Variants in NKAIN3 observed in about 807,000 individuals in gnomAD.
NKAIN3 encodes the protein sodium/potassium transporting ATPase interacting 3.
NKAIN3 carries 25 observed loss-of-function variants against 30.2 expected under a neutral mutation model. That is an observed-to-expected ratio of 0.83 (90% CI 0.60 to 1.16). NKAIN3 has a LOEUF of 1.16. Among genes scored for constraint, NKAIN3 ranks in the 50% most tolerant of loss-of-function variants. NKAIN3 has a pLI of 0.00. For synonymous variants in NKAIN3, 91 were observed against 89.6 expected (o/e 1.02, Z -0.09); for missense variants, 225 against 254.1 (o/e 0.89, Z 0.78).
intron 3 of NKAIN3, among the ~76,000 whole-genome samples, chr8:62,600,119 G>A (rs1381313612): frequency 6.6e-6 from 1 of 151,474 alleles, no homozygotes; most frequent in Admixed American, 6.6e-5. Flanking sequence ...AAATTTCTAG[G>A]TACATTTTAC....
intron 1 of NKAIN3, among the ~76,000 whole-genome samples, chr8:62,300,117 C>T (rs1189260983): frequency 6.6e-6 from 1 of 151,960 alleles, no homozygotes; most frequent in Non-Finnish European, 1.5e-5. Context: ...ACATTTGTAT[C>T]CTTAGCTGCA....
intron 3 of NKAIN3, among the ~76,000 whole-genome samples, chr8:62,737,809 G>C (rs970691493): frequency 6.6e-6 from 1 of 152,022 alleles, no homozygotes; most frequent in African/African-American, 2.4e-5. Context: ...CCTTCAATTA[G>C]GGCACAAACA....
chr8:62,932,162 C>T (rs1455571), intron 5 of NKAIN3, among the ~76,000 whole-genome samples: 2 of 152,018 alleles, frequency 1.3e-5, no homozygotes, highest in Non-Finnish European at 2.9e-5. Context: ...TCCTAATAAA[C>T]AAAACAAGCA....
intron 6 of NKAIN3, among the ~76,000 whole-genome samples, chr8:62,963,048 C>T (rs773200168): frequency 2.0e-5 from 3 of 152,012 alleles, no homozygotes; most frequent in East Asian, 1.9e-4. Flanking sequence ...CCTGCTACCA[C>T]GCCTGGCTAA....
intron 4 of NKAIN3, among the ~76,000 whole-genome samples, chr8:62,870,336 G>A (rs1586292375): frequency 9.8e-6 from 1 of 102,244 alleles, no homozygotes; most frequent in Non-Finnish European, 1.9e-5. Context: ...ACTCTATTTT[G>A]TATGTATATA....
chr8:62,672,411 TC>T (rs1279507827), intron 3 of NKAIN3, among the ~76,000 whole-genome samples: 4 of 152,186 alleles, frequency 2.6e-5, no homozygotes, highest in Non-Finnish European at 4.4e-5. Flanking sequence ...GATGTAGAAC[TC>T]AAAAAGCCTG....
chr8:62,898,127 G>A (rs1296710629), intron 4 of NKAIN3, among the ~76,000 whole-genome samples: 1 of 152,114 alleles, frequency 6.6e-6, no homozygotes, highest in Non-Finnish European at 1.5e-5. Context: ...AAAACCAGAT[G>A]CAAGCAACTG....
chr8:62,545,737 T>C (rs2129912097), intron 1 of NKAIN3, among the ~76,000 whole-genome samples: 1 of 152,338 alleles, frequency 6.6e-6, no homozygotes, highest in African/African-American at 2.4e-5. Flanking sequence ...TTTTCCATTG[T>C]TTACTGTTAC....
At chr8:62,751,024 G>A (rs1010536546) in intron 4 of NKAIN3, among the ~76,000 whole-genome samples, 3 of 152,078 alleles carry the variant, frequency 2.0e-5, no homozygotes, top group African/African-American at 7.2e-5. Flanking sequence ...TATCAGTCAC[G>A]TTCCTTCCGA....
At chr8:62,294,457 A>C (rs1315002657) in intron 1 of NKAIN3, among the ~76,000 whole-genome samples, 1 of 152,142 alleles carries the variant, frequency 6.6e-6, no homozygotes, top group South Asian at 2.1e-4. Context: ...TTTTTATTTG[A>C]CTACACAAAA....
chr8:62,678,769 C>A (rs1813559899), intron 3 of NKAIN3, among the ~76,000 whole-genome samples: 2 of 151,152 alleles, frequency 1.3e-5, no homozygotes, highest in Non-Finnish European at 2.9e-5. Context: ...AATAGTTAAT[C>A]CATGCTATAT....
intron 1 of NKAIN3, among the ~76,000 whole-genome samples, chr8:62,323,924 C>T (rs1202102651): frequency 3.3e-5 from 5 of 151,546 alleles, no homozygotes; most frequent in Non-Finnish European, 5.9e-5. Context: ...CACAATAAAA[C>T]GATTAGTGGT....
At chr8:62,851,917 C>CT (rs1819913719) in intron 4 of NKAIN3, among the ~76,000 whole-genome samples, 3 of 152,176 alleles carry the variant, frequency 2.0e-5, no homozygotes, top group Admixed American at 6.5e-5. Flanking sequence ...CTAAAATTCT[C>CT]TTTTTTTGTT....
At chr8:62,383,437 T>C in intron 1 of NKAIN3, 1 of 451,780 alleles carries the variant, frequency 2.2e-6, no homozygotes, top group South Asian at 1.6e-5. Flanking sequence ...TGTTATTCCC[T>C]ACTAATAAAT....
chr8:62,760,537 A>G (rs1193821752), intron 4 of NKAIN3, among the ~76,000 whole-genome samples: 1 of 151,710 alleles, frequency 6.6e-6, no homozygotes, highest in Non-Finnish European at 1.5e-5. Context: ...CAAAAAACCA[A>G]ACACCACATG....
At chr8:62,909,071 G>C (rs1434482810) in intron 4 of NKAIN3, among the ~76,000 whole-genome samples, 1 of 152,060 alleles carries the variant, frequency 6.6e-6, no homozygotes, top group Non-Finnish European at 1.5e-5. Flanking sequence ...TGATTTCAGG[G>C]ATGACTCAAT....
intron 1 of NKAIN3, among the ~76,000 whole-genome samples, chr8:62,546,777 A>G (rs929926285): frequency 1.3e-5 from 2 of 152,176 alleles, no homozygotes; most frequent in Admixed American, 1.3e-4. Context: ...AAAGTGTAAG[A>G]AAAGGAAATA....
intron 1 of NKAIN3, among the ~76,000 whole-genome samples, chr8:62,413,438 G>C (rs1804328425): frequency 6.6e-6 from 1 of 152,096 alleles, no homozygotes; most frequent in African/African-American, 2.4e-5. Flanking sequence ...GTTTTTGCCT[G>C]AGCCTCACAT....
intron 5 of NKAIN3, among the ~76,000 whole-genome samples, chr8:62,935,998 T>C (rs544876426): frequency 8.5e-4 from 129 of 152,274 alleles, no homozygotes; most frequent in Non-Finnish European, 1.4e-3. Flanking sequence ...AGTGAAATTA[T>C]GAAATAGAAG....
Sources: gnomAD v4.1 joint callset for allele counts (sites outside exome capture counted in the v4.1 genomes callset) on GRCh38, gnomAD v4.1.1 for gene constraint, MANE v1.5 for transcripts, NCBI Gene and HGNC (gene_info 2026-07-23, HGNC 2026-07-21) for gene names.